Variants in CROCC2 observed in about 807,000 individuals in gnomAD.
The protein encoded by CROCC2 is ciliary rootlet coiled-coil, rootletin family member 2, also known as ciliary rootlet coiled-coil protein 2.
A neutral mutation model predicts 177.6 loss-of-function variants in CROCC2; 163 were observed. The ratio of observed to expected loss-of-function variants is 0.92; its 90% confidence interval spans 0.81 to 1.05. CROCC2 has a LOEUF of 1.05. CROCC2 is among the 50% of genes least tolerant of loss of function. The probability of loss-of-function intolerance (pLI) is 0.00; values close to 1 mark genes in which losing one functional copy is unlikely to be tolerated. For synonymous variants in CROCC2, 904 were observed against 787.3 expected, an observed-to-expected ratio of 1.15 and a Z score of -2.48; for missense variants, 1,929 against 1,797.8, an observed-to-expected ratio of 1.07 and a Z score of -1.32.
At chr2:240,975,793 G>C (rs1367681502) in intron 27 of CROCC2, among the ~76,000 whole-genome samples, 3 of 144,000 alleles carry the variant, frequency 2.1e-5, no homozygotes, top group African/African-American at 7.8e-5. Context: ...GCAGTGGCAC[G>C]GTCTTGGTTC....
In CROCC2 at chr2:240,932,386, C is replaced by T. The variant is rs1045491770; in HGVS notation, c.1016C>T (p.Ala339Val). ...AATGAGCAGAAGGCGAAGACCATCG[C>T]TGCCCTCAGAACCGACCTGCAGAAC... ...EQNEQKAKTI[A>V]ALRTDLQNLV... Residue 339 changes from alanine (A) to valine (V), a missense_variant, in exon 8 of 32, where the codon GCT becomes GTT. This residue lies in a region of CROCC2 where 1,397 missense variants were observed against 1,239.9 expected (regional missense o/e 1.13). Coordinates refer to ENST00000690015, the MANE Select transcript of CROCC2 (RefSeq NM_001351305.2). The T allele has an allele frequency of 1.4e-6, 1 of 717,506 alleles. No homozygotes were observed. 44.4% of individuals were successfully genotyped at this position (717,506 alleles called of 1,614,324 possible). A position where few individuals can be genotyped will look rare whatever the true frequency, so the allele number is the denominator to read the frequency against.
intron 1 of CROCC2, among the ~76,000 whole-genome samples, chr2:240,916,464 T>A: frequency 3.4e-5 from 1 of 29,738 alleles, no homozygotes; most frequent in Admixed American, 4.6e-4. Context: ...CCCCATGCGC[T>A]CCCCCCGTGC....
chr2:240,949,218 A>G lies in CROCC2; in HGVS notation c.2482+121A>G. On this transcript the variant is annotated intron_variant, in intron 16 of 31. Coordinates refer to ENST00000690015, the MANE Select transcript of CROCC2 (RefSeq NM_001351305.2). This position sits in a 1 kb window ranked among gnomAD's most constrained non-coding sequence, Gnocchi z 4.5. Reference sequence around the variant, plus strand: ...CTCCGGAGCCCACAGGGGCATGAACATGAGCTTGGAGCTCATGCGACTGAG... The same window carrying G: ...CTCCGGAGCCCACAGGGGCATGAACGTGAGCTTGGAGCTCATGCGACTGAG... 2 of 1,436,572 alleles carry G rather than the reference A, an allele frequency of 1.4e-6. No homozygotes were observed. Among genetic ancestry groups the G allele is most frequent in the Non-Finnish European group, 1.8e-6 (2 of 1,099,326 alleles). The allele number at this position is 1,436,572 out of a possible 1,614,324, so 89.0% of individuals were successfully genotyped here. A position where few individuals can be genotyped will look rare whatever the true frequency, so the allele number is the denominator to read the frequency against.
At position 240,933,652 on chromosome 2, in the gene CROCC2, T is replaced by C. The variant is rs2059448513; in HGVS notation, c.1464-18T>C. 2 of 1,548,788 alleles carry C rather than the reference T, an allele frequency of 1.3e-6. No individual in the cohort carries two copies. ...AATGTGTCCAGGGCCGCCCCAACTC[T>C]GCCCCCACCATCCCCAGGGAGAAGG... On this transcript the variant is annotated intron_variant, in intron 10 of 31. Transcript: ENST00000690015.
rs1281790798 is a variant in CROCC2 at position 240,972,103 on chromosome 2, A to G, written c.4401+3841A>G. 6.6e-6 allele frequency among the ~76,000 whole-genome samples: 1 copy of G among 152,154 alleles called. No individual in the cohort carries two copies. Among genetic ancestry groups the G allele is most frequent in the Admixed American group, 6.5e-5 (1 of 15,272 alleles). On this transcript the variant is annotated intron_variant, in intron 27 of 31. Transcript: ENST00000690015. This position sits in a 1 kb window ranked among gnomAD's most constrained non-coding sequence, Gnocchi z 7.1. ...GATCGACTTTATTTTCTCAAACCCC[A>G]GTGGATACTAGTTTTGTGATTTTTT...
chr2:240,944,864 T>C (rs1445116653), intron 14 of CROCC2, among the ~76,000 whole-genome samples: 1 of 152,188 alleles, frequency 6.6e-6, no homozygotes, highest in African/African-American at 2.4e-5. Flanking sequence ...ATATAATAAA[T>C]TATAGAAATA....
chr2:240,983,381 C>T (rs772895077), intron 28 of CROCC2: 310 of 1,291,488 alleles, frequency 2.4e-4, no homozygotes, highest in Non-Finnish European at 2.9e-4. Flanking sequence ...CTCAGAAACT[C>T]GGGCCCTCCC....
chr2:240,992,649 G>A (rs1172858041), intron 31 of CROCC2, among the ~76,000 whole-genome samples: 1 of 152,218 alleles, frequency 6.6e-6, no homozygotes, highest in Non-Finnish European at 1.5e-5. Context: ...TGTTACTCTG[G>A]GCAAAGGAGG....
At chr2:240,965,284 C>A in intron 22 of CROCC2, 97 bp from the exon 23 acceptor site, 1 of 1,497,392 alleles carries the variant, frequency 6.7e-7, no homozygotes, top group Non-Finnish European at 9.0e-7. Flanking sequence ...GGCCAGCTGC[C>A]CTCAAGGGAC....
At position 240,958,781 on chromosome 2, in the gene CROCC2, T is replaced by C. The variant is rs9973362; in HGVS notation, c.2944-520T>C. On this transcript the variant is annotated intron_variant, in intron 19 of 31. Coordinates refer to ENST00000690015, the MANE Select transcript of CROCC2 (RefSeq NM_001351305.2). This position sits in a 1 kb window ranked among gnomAD's most constrained non-coding sequence, Gnocchi z 6.7. ...GGGAGGGCCTTGAGAGGAAGCGGGGTGGTGTCCCGAGGGGCCTGGGGCTTG... is the reference window on the plus strand; with the variant it reads ...GGGAGGGCCTTGAGAGGAAGCGGGGCGGTGTCCCGAGGGGCCTGGGGCTTG... Among the ~76,000 whole-genome samples the C allele has an allele frequency of 0.73, 111,664 of 152,108 alleles. 42,253 individuals are homozygous for C. Among genetic ancestry groups the C allele is most frequent in the African/African-American group, 0.9 (37,472 of 41,544 alleles).
At chr2:240,970,611 C>A (rs375085298) in intron 27 of CROCC2, among the ~76,000 whole-genome samples, 5 of 152,226 alleles carry the variant, frequency 3.3e-5, no homozygotes, top group African/African-American at 7.2e-5. Context: ...CCCTTCCCAG[C>A]TGCACTGCTT....
chr2:240,919,319 TC>T (rs1303089151), intron 2 of CROCC2, among the ~76,000 whole-genome samples: 2 of 152,152 alleles, frequency 1.3e-5, no homozygotes, highest in Non-Finnish European at 2.9e-5. Flanking sequence ...CACCTGCGTC[TC>T]CGCTTCATTG....
chr2:240,936,794 T>C, intron 14 of CROCC2, among the ~76,000 whole-genome samples: 1 of 152,230 alleles, frequency 6.6e-6, no homozygotes, highest in East Asian at 1.9e-4. Flanking sequence ...TGTGACTCCC[T>C]TCTACTGCCT....
chr2:240,922,281 A>T (rs991086229), intron 3 of CROCC2, among the ~76,000 whole-genome samples: 1 of 152,098 alleles, frequency 6.6e-6, no homozygotes. Context: ...TGGGATTGGC[A>T]CATCAGTGCA....
chr2:240,925,351 C>T (rs2059389215), intron 4 of CROCC2, among the ~76,000 whole-genome samples: 2 of 152,158 alleles, frequency 1.3e-5, no homozygotes, highest in South Asian at 4.1e-4. Flanking sequence ...GTCTGACTCC[C>T]TCTCCGCGTC....
rs568709758 is a variant in CROCC2, at chr2:240,909,344, G to A, written c.78+2753G>A. Among the ~76,000 whole-genome samples the A allele has an allele frequency of 1.5e-3, 231 of 151,454 alleles. 2 individuals carry two copies. The highest frequency in any genetic ancestry group is 6.8e-3 in the Middle Eastern group (2 of 294). On this transcript the variant is annotated intron_variant, in intron 1 of 31. Transcript: ENST00000690015. ...GGGTGAGCTCTACCTCCTCCACCTG[G>A]GGTGAGCTCTACCTCCTCCACCTCA...
At chr2:240,911,092 C>T (rs889420590) in intron 1 of CROCC2, among the ~76,000 whole-genome samples, 1 of 152,020 alleles carries the variant, frequency 6.6e-6, no homozygotes, top group Non-Finnish European at 1.5e-5. Flanking sequence ...GATCGCACCA[C>T]TGTACTCCAG....
intron 1 of CROCC2, among the ~76,000 whole-genome samples, chr2:240,912,694 G>T (rs78440575): frequency 6.6e-6 from 1 of 152,186 alleles, no homozygotes; most frequent in Non-Finnish European, 1.5e-5. Context: ...ATCACTGGCC[G>T]TTGGTGATCA....
At position 240,966,220 on chromosome 2, in the gene CROCC2, C is replaced by T. The variant is rs2059683138; in HGVS notation, c.3962-5C>T. ...CCACGACCCCTCCGCTGTCACCTCCCGCAGGCTCCGACAGCTCCCAGGCTC... is the reference window on the plus strand; with the variant it reads ...CCACGACCCCTCCGCTGTCACCTCCTGCAGGCTCCGACAGCTCCCAGGCTC... On this transcript the variant is annotated splice_polypyrimidine_tract_variant and splice_region_variant and intron_variant, in intron 24 of 31. Coordinates refer to ENST00000690015, the MANE Select transcript of CROCC2 (RefSeq NM_001351305.2). The T allele has an allele frequency of 9.5e-6, 9 of 946,306 alleles. No individual in the cohort carries two copies. In the Admixed American group the frequency reaches 1.3e-4, roughly 13 times the overall value. 58.6% of individuals were successfully genotyped at this position (946,306 alleles called of 1,614,324 possible).
Sources: allele counts gnomAD v4.1 joint callset (sites outside exome capture counted in the v4.1 genomes callset), GRCh38; gene constraint gnomAD v4.1.1; regional missense constraint gnomAD v4.1.1; non-coding constraint Gnocchi (gnomAD v3.1); transcripts MANE v1.5; gene names NCBI Gene and HGNC (gene_info 2026-07-23, HGNC 2026-07-21).